ARHGAP20: variants seen among roughly 807,000 people sequenced by gnomAD.
ARHGAP20 encodes rho GTPase-activating protein 20.
In ARHGAP20, 34 loss-of-function variants were observed where a neutral mutation model predicts 73.7. That is an observed-to-expected ratio of 0.46 (90% confidence interval 0.35 to 0.61). The LOEUF is 0.61. ARHGAP20 is among the 20% of genes least tolerant of loss of function. The pLI is 0.00. For synonymous variants in ARHGAP20, 523 were observed against 518.2 expected (o/e 1.01, Z -0.13); for missense variants, 1,314 against 1,420.9 (o/e 0.92, Z 1.21).
At chr11:110,582,141 A>G (rs1267528767) in intron 14 of ARHGAP20, among the ~76,000 whole-genome samples, 180 bp downstream of exon 14, 2 of 152,204 alleles carry the variant, frequency 1.3e-5, no homozygotes, top group East Asian at 3.8e-4. Flanking sequence ...CTGTTAACAT[A>G]TGCTGACCTA....
In ARHGAP20 at chr11:110,581,014, A is replaced by C. The variant is rs1450901611; in HGVS notation, c.1932T>G (p.Ser644=). The change falls in exon 15 of 15, where the codon TCT becomes TCG. Residue 644 remains serine, a synonymous_variant. Coordinates refer to ENST00000683387, the MANE Select transcript of ARHGAP20 (RefSeq NM_001384657.1). ...GTTTCATTTGAACATCTTCATCTTT[A>C]GAATGGGCCAAGTCAAAGTCGCTTA... is the stretch of plus-strand genomic sequence containing the variant. ...LTLSDFDLAH[S]KDEDVQMKRP... 2 of 1,614,186 alleles carry C rather than the reference A, an allele frequency of 1.2e-6. No homozygotes were observed. The highest frequency in any genetic ancestry group is 2.2e-5 in the East Asian group (1 of 44,868).
At position 110,606,569 on chromosome 11, in the gene ARHGAP20, T is replaced by G. The variant is rs780687164; in HGVS notation, c.956A>C (p.Gln319Pro). 23 of 1,609,842 alleles carry G rather than the reference T, an allele frequency of 1.4e-5. No individual in the cohort carries two copies. Among genetic ancestry groups the G allele is most frequent in the Non-Finnish European group, 2.0e-5 (23 of 1,178,696 alleles). Residue 319 changes from glutamine (Q) to proline (P), a missense_variant, in exon 9 of 15, where the codon CAA becomes CCA. Transcript: ENST00000683387. Reference protein sequence around the residue: ...LKPSRLAAAQQLSDSGHKTFK... With the variant: ...LKPSRLAAAQPLSDSGHKTFK... Reference sequence around the variant, plus strand: ...TGCTAGAAGCAACTCACCACTCAGTTGCTGGGCTGCAGCCAGGCGGCTGGG... The same window carrying G: ...TGCTAGAAGCAACTCACCACTCAGTGGCTGGGCTGCAGCCAGGCGGCTGGG...
At chr11:110,704,589 C>T (rs981211401) in intron 1 of ARHGAP20, among the ~76,000 whole-genome samples, 1 of 152,146 alleles carries the variant, frequency 6.6e-6, no homozygotes, top group Non-Finnish European at 1.5e-5. Context: ...ATATTGCCTA[C>T]AAGCCTCATT....
intron 12 of ARHGAP20, 70 bp downstream of exon 12, chr11:110,586,143 CATT>C (rs766397514): frequency 1.6e-5 from 12 of 763,868 alleles, no homozygotes; most frequent in Non-Finnish European, 2.3e-5. Flanking sequence ...TGATAGCTGT[CATT>C]ATTTTAATAA....
chr11:110,626,337 G>T (rs1325042524), intron 3 of ARHGAP20, among the ~76,000 whole-genome samples: 1 of 152,078 alleles, frequency 6.6e-6, no homozygotes, highest in Non-Finnish European at 1.5e-5. Context: ...GATCAATAAG[G>T]TGCTACATTA....
At chr11:110,685,369 G>A (rs1035397796) in intron 2 of ARHGAP20, among the ~76,000 whole-genome samples, 2 of 151,972 alleles carry the variant, frequency 1.3e-5, no homozygotes, top group Non-Finnish European at 2.9e-5. Flanking sequence ...GTAGTTGACT[G>A]CAGCTATGTA....
intron 2 of ARHGAP20, among the ~76,000 whole-genome samples, chr11:110,672,319 T>TA (rs1318453542): frequency 6.6e-6 from 1 of 152,040 alleles, no homozygotes; most frequent in African/African-American, 2.4e-5. Context: ...GTTTACACAT[T>TA]AAAAAATGGG....
Position 110,580,754 on chromosome 11 carries a change from C to T in ARHGAP20, c.2192G>A (p.Cys731Tyr), listed in dbSNP as rs775370719. 5.0e-6 allele frequency: 8 copies of T among 1,614,008 alleles called. No individual in the cohort carries two copies. The highest frequency in any genetic ancestry group is 1.7e-6 in the Non-Finnish European group (2 of 1,180,022). ...ATCTTTTTGAGAAAGAATTGCATCACAGCTGGACTTGCGTAGCTTTTTCTG... is the reference window on the plus strand; with the variant it reads ...ATCTTTTTGAGAAAGAATTGCATCATAGCTGGACTTGCGTAGCTTTTTCTG... ...FYQKKLRKSSCDAILSQKDED... is the reference protein window; with the variant it reads ...FYQKKLRKSSYDAILSQKDED... Residue 731 changes from cysteine (C) to tyrosine (Y), a missense_variant, in exon 15 of 15, where the codon TGT becomes TAT. Cys to Tyr is a radical substitution (Grantham distance 194). Transcript: ENST00000683387.
chr11:110,602,392 G>A (rs1047147974), intron 9 of ARHGAP20, among the ~76,000 whole-genome samples: 5 of 152,152 alleles, frequency 3.3e-5, no homozygotes, highest in Admixed American at 6.5e-5. Context: ...AATATAATAT[G>A]CGTCAATGGT....
chr11:110,635,171 T>C (rs189898933), intron 2 of ARHGAP20, among the ~76,000 whole-genome samples: 5 of 152,246 alleles, frequency 3.3e-5, no homozygotes, highest in Non-Finnish European at 5.9e-5. Context: ...ATGAGGACCA[T>C]ACCCTATCCT....
At chr11:110,695,142 C>A (rs1279851140) in intron 1 of ARHGAP20, among the ~76,000 whole-genome samples, 1 of 151,398 alleles carries the variant, frequency 6.6e-6, no homozygotes, top group African/African-American at 2.4e-5. Flanking sequence ...ATGGGATATC[C>A]ACATACAAAA....
At chr11:110,631,934 C>A (rs1164603568) in intron 2 of ARHGAP20, among the ~76,000 whole-genome samples, 1 of 152,164 alleles carries the variant, frequency 6.6e-6, no homozygotes, top group Non-Finnish European at 1.5e-5. Flanking sequence ...GAATTTTATA[C>A]AAATTGAACC....
intron 2 of ARHGAP20, among the ~76,000 whole-genome samples, chr11:110,646,860 G>C (rs1021995730): frequency 1.3e-5 from 2 of 151,920 alleles, no homozygotes; most frequent in Non-Finnish European, 2.9e-5. Context: ...ATAGGAAGAG[G>C]GTATGGTTTA....
intron 2 of ARHGAP20, among the ~76,000 whole-genome samples, chr11:110,645,649 A>G (rs1347133716): frequency 1.3e-5 from 2 of 152,182 alleles, no homozygotes; most frequent in East Asian, 3.9e-4. Context: ...AAATCATTCT[A>G]CTGAAAAGAC....
At chr11:110,667,567 A>T (rs1158495556) in intron 2 of ARHGAP20, among the ~76,000 whole-genome samples, 1 of 152,216 alleles carries the variant, frequency 6.6e-6, no homozygotes, top group African/African-American at 2.4e-5. Flanking sequence ...GGCTAACAAA[A>T]TATCCACTCT....
rs773154298 is a variant in ARHGAP20, at chr11:110,614,647, TA to T, written c.546-3del. Reference sequence around the variant, plus strand: ...TTTTCTTTCTCTAGATTGATGTATCTAATCAAATGCAACAGCAACCCAAAAC... The same window carrying T: ...TTTTCTTTCTCTAGATTGATGTATCTATCAAATGCAACAGCAACCCAAAAC... On this transcript the variant is annotated splice_polypyrimidine_tract_variant and splice_region_variant and intron_variant, in intron 5 of 14. Coordinates refer to ENST00000683387, the MANE Select transcript of ARHGAP20 (RefSeq NM_001384657.1). The T allele has an allele frequency of 1.3e-6, 2 of 1,598,362 alleles. No homozygotes were observed. Among genetic ancestry groups the T allele is most frequent in the Admixed American group, 3.6e-5 (2 of 56,264 alleles).
intron 2 of ARHGAP20, among the ~76,000 whole-genome samples, chr11:110,687,853 T>C (rs1025956064): frequency 2.6e-5 from 4 of 152,138 alleles, no homozygotes; most frequent in Non-Finnish European, 5.9e-5. Context: ...CTAGTTACAA[T>C]TAATATATTC....
chr11:110,579,889 G>A lies in ARHGAP20; in HGVS notation c.3057C>T (p.Asp1019=). The part of the protein sequence containing the change: ...ACSRPAYTKK[D]TMEWHSQMHS... The stretch of plus-strand genomic sequence containing the variant: ...GCATTTGTGAATGCCACTCCATGGT[G>A]TCCTTCTTTGTATAGGCTGGGCGGC... The change falls in exon 15 of 15, where the codon GAC becomes GAT. Residue 1019 remains aspartate (D), a synonymous_variant. Transcript: ENST00000683387. 6.2e-7 allele frequency: 1 copy of A among 1,614,252 alleles called. No homozygotes were observed. Among genetic ancestry groups the A allele is most frequent in the South Asian group, 1.1e-5 (1 of 91,086 alleles).
chr11:110,711,667 C>T, intron 1 of ARHGAP20: 5 of 1,462,648 alleles, frequency 3.4e-6, no homozygotes, highest in Non-Finnish European at 4.5e-6. Context: ...CCTTCTTCAG[C>T]GCCGGCTGCC....
Sources: allele counts gnomAD v4.1 joint callset (sites outside exome capture counted in the v4.1 genomes callset), GRCh38; gene constraint gnomAD v4.1.1; transcripts MANE v1.5; gene names NCBI Gene and HGNC (gene_info 2026-07-23, HGNC 2026-07-21).